The following BACH2 variants were observed in gnomAD, a reference collection of about 807,000 sequenced individuals.
The protein encoded by BACH2 is transcription regulator protein BACH2.
In BACH2, 5 loss-of-function variants were observed where a neutral mutation model predicts 61.8. The observed-to-expected ratio is 0.08, with a 90% CI of 0.04 to 0.17. The LOEUF (loss-of-function observed/expected upper bound fraction) is 0.17, where lower values mean the gene tolerates loss of function less well. Among genes scored for constraint, BACH2 ranks in the 10% least tolerant of loss-of-function variants. The pLI, the probability that BACH2 is intolerant of heterozygous loss-of-function variation, is 1.00. For missense variants in BACH2, 824 were observed against 1,091.1 expected, an observed-to-expected ratio of 0.76 and a Z score of 3.45; for synonymous variants, 446 against 440.1, an observed-to-expected ratio of 1.01 and a Z score of -0.17.
At chr6:89,979,179 A>G (rs1775817574) in intron 6 of BACH2, among the ~76,000 whole-genome samples, 1 of 152,178 alleles carries the variant, frequency 6.6e-6, no homozygotes, top group Non-Finnish European at 1.5e-5. Flanking sequence ...CAATGATACC[A>G]TGTTTGCTGG....
intron 1 of BACH2, among the ~76,000 whole-genome samples, chr6:90,273,433 G>T (rs1771592541): frequency 6.6e-6 from 1 of 152,102 alleles, no homozygotes; most frequent in Admixed American, 6.5e-5. Flanking sequence ...ATAGTTAAAA[G>T]GTGTGAAGAA....
chr6:90,191,816 A>G lies in BACH2; in HGVS notation c.-162+14753T>C, dbSNP rs189824005. Among the ~76,000 whole-genome samples the G allele has an allele frequency of 1.6e-4, 25 of 152,356 alleles. No individual in the cohort carries two copies. The East Asian group carries it at 4.0e-3, about 25-fold the overall frequency. On this transcript the variant is annotated intron_variant, in intron 4 of 8. Transcript: ENST00000257749. ...ACTTAAAATAATGATTATTTATCAA[A>G]TATCTACAAAGGACAAACTTCATCC...
chr6:90,293,373 T>C (rs1772240809), intron 1 of BACH2, among the ~76,000 whole-genome samples: 1 of 151,904 alleles, frequency 6.6e-6, no homozygotes, highest in African/African-American at 2.4e-5. Flanking sequence ...TTCCTTTTTG[T>C]TAAGACTGGA....
intron 6 of BACH2, among the ~76,000 whole-genome samples, chr6:89,970,439 A>G (rs1775294991): frequency 6.6e-6 from 1 of 152,240 alleles, no homozygotes; most frequent in Non-Finnish European, 1.5e-5. Flanking sequence ...ACCTGACCAG[A>G]TAATCAGGTA....
chr6:90,079,554 T>C (rs902642090), intron 5 of BACH2, among the ~76,000 whole-genome samples: 10 of 152,350 alleles, frequency 6.6e-5, no homozygotes, highest in East Asian at 3.9e-4. Flanking sequence ...TAAACTATCA[T>C]GTGTAGACAC....
intron 4 of BACH2, among the ~76,000 whole-genome samples, chr6:90,156,957 C>CT (rs1785016282): frequency 6.6e-6 from 1 of 152,170 alleles, no homozygotes; most frequent in African/African-American, 2.4e-5. Context: ...GAGATGAGAC[C>CT]TTTGGAGAAT....
chr6:90,199,849 C>T (rs2127847451), intron 4 of BACH2, among the ~76,000 whole-genome samples: 1 of 152,318 alleles, frequency 6.6e-6, no homozygotes, highest in Non-Finnish European at 1.5e-5. Flanking sequence ...AGAAGTGCTA[C>T]AATGTCCAAG....
chr6:90,058,269 G>A (rs1392824995), intron 5 of BACH2, among the ~76,000 whole-genome samples: 3 of 152,174 alleles, frequency 2.0e-5, no homozygotes, highest in Non-Finnish European at 2.9e-5. Flanking sequence ...AGCAACTTCA[G>A]CAAAGTCTCA....
intron 5 of BACH2, among the ~76,000 whole-genome samples, chr6:90,017,919 T>C (rs528895459): frequency 5.3e-5 from 8 of 152,324 alleles, no homozygotes; most frequent in African/African-American, 1.9e-4. Context: ...TGTGTTCCCA[T>C]AAATAATCTT....
In BACH2 at chr6:90,291,010, G is replaced by A. The variant is rs543964275; in HGVS notation, c.-446+5470C>T. On this transcript the variant is annotated intron_variant, in intron 1 of 8. Coordinates refer to ENST00000257749, the MANE Select transcript of BACH2 (RefSeq NM_021813.4). ...GACAGGAGGGACCTAGCAACCAAGCGCCGGCTCTCATCACATCAGCAGCAG... is the reference window on the plus strand; with the variant it reads ...GACAGGAGGGACCTAGCAACCAAGCACCGGCTCTCATCACATCAGCAGCAG... Among the ~76,000 whole-genome samples, 8 of 152,260 alleles carry A rather than the reference G, an allele frequency of 5.3e-5. No homozygotes were observed. In the South Asian group the frequency reaches 1.5e-3, roughly 28 times the overall value.
chr6:90,224,317 T>C (rs1027945130), intron 3 of BACH2, among the ~76,000 whole-genome samples: 7 of 152,310 alleles, frequency 4.6e-5, no homozygotes, highest in Non-Finnish European at 7.3e-5. Flanking sequence ...TGTTCACTTA[T>C]TGTACAACTA....
intron 3 of BACH2, among the ~76,000 whole-genome samples, chr6:90,214,963 T>C (rs1406078988): frequency 6.6e-6 from 1 of 151,992 alleles, no homozygotes; most frequent in South Asian, 2.1e-4. Flanking sequence ...CTATGTTGCA[T>C]AGGCTGGTTT....
At chr6:90,000,422 C>CTTACTAACGCAAG in intron 6 of BACH2, among the ~76,000 whole-genome samples, 1 of 152,262 alleles carries the variant, frequency 6.6e-6, no homozygotes, top group South Asian at 2.1e-4. Flanking sequence ...GCTGCCAAGT[C>CTTACTAACGCAAG]TTACTAACGC....
rs1397004208 is a variant in BACH2, at chr6:89,951,335, G to A, written c.771C>T (p.Phe257=). 3 of 1,614,102 alleles carry A rather than the reference G, an allele frequency of 1.9e-6. No individual in the cohort carries two copies. The African/African-American group carries it at 4.0e-5, about 22-fold the overall frequency. Residue 257 remains phenylalanine, a synonymous_variant, in exon 7 of 9, where the codon TTC becomes TTT. Coordinates refer to ENST00000257749, the MANE Select transcript of BACH2 (RefSeq NM_021813.4). This position sits in a 1 kb window ranked among gnomAD's most constrained non-coding sequence, Gnocchi z 6.4. The stretch of plus-strand genomic sequence containing the variant: ...GGCTGTTGCTAGAGTTATCTTCCCG[G>A]AATGTGCTTGCAAAACCTGAGGTAC... ...SHSTSGFAST[F]REDNSSNSLK... is the part of the protein sequence containing the mutation.
At chr6:89,977,453 A>G (rs1404422225) in intron 6 of BACH2, among the ~76,000 whole-genome samples, 1 of 152,170 alleles carries the variant, frequency 6.6e-6, no homozygotes, top group Non-Finnish European at 1.5e-5. Context: ...TGGGTAAAAA[A>G]ACATTTCATC....
At chr6:90,024,796 A>G (rs964826896) in intron 5 of BACH2, among the ~76,000 whole-genome samples, 1 of 152,226 alleles carries the variant, frequency 6.6e-6, no homozygotes, top group African/African-American at 2.4e-5. Flanking sequence ...CCTTATAAAC[A>G]GAGTCAACCC....
At chr6:90,049,892 G>T (rs1779956102) in intron 5 of BACH2, among the ~76,000 whole-genome samples, 1 of 152,200 alleles carries the variant, frequency 6.6e-6, no homozygotes. Context: ...TGTTTTCAGA[G>T]AACACCATTT....
chr6:90,142,187 A>G (rs561570158), intron 4 of BACH2, among the ~76,000 whole-genome samples: 114 of 152,210 alleles, frequency 7.5e-4, no homozygotes, highest in Non-Finnish European at 1.2e-3. Flanking sequence ...TCTGAGATAG[A>G]ATCTTTGACT....
intron 5 of BACH2, among the ~76,000 whole-genome samples, chr6:90,029,166 T>C (rs1205070850): frequency 2.0e-5 from 3 of 152,150 alleles, no homozygotes; most frequent in Non-Finnish European, 2.9e-5. Context: ...TCTAACTGCA[T>C]AGATTTAGGG....
Sources: allele counts gnomAD v4.1 joint callset (sites outside exome capture counted in the v4.1 genomes callset), GRCh38; gene constraint gnomAD v4.1.1; non-coding constraint Gnocchi (gnomAD v3.1); transcripts MANE v1.5; gene names NCBI Gene and HGNC (gene_info 2026-07-23, HGNC 2026-07-21).